BACH2: variants seen among roughly 807,000 people sequenced by gnomAD.
BACH2 encodes BACH transcriptional regulator 2, also known as transcription regulator protein BACH2.
BACH2 carries 5 observed loss-of-function variants against 61.8 expected under a neutral mutation model. The observed-to-expected ratio is 0.08, with a 90% confidence interval of 0.04 to 0.17. BACH2 has a LOEUF of 0.17. BACH2 is among the 10% of genes least tolerant of loss of function. BACH2 has a pLI of 1.00. For synonymous variants in BACH2, 446 were observed against 440.1 expected (o/e 1.01, Z -0.17); for missense variants, 824 against 1,091.1 (o/e 0.76, Z 3.45).
chr6:90,110,562 T>C (rs1020588450), intron 4 of BACH2, among the ~76,000 whole-genome samples: 3 of 152,220 alleles, frequency 2.0e-5, no homozygotes, highest in African/African-American at 7.2e-5. Context: ...TGGGAAGTTA[T>C]CAAGCTCTAC....
At chr6:90,081,409 C>CA (rs1781715518) in intron 5 of BACH2, among the ~76,000 whole-genome samples, 1 of 152,176 alleles carries the variant, frequency 6.6e-6, no homozygotes, top group Non-Finnish European at 1.5e-5. Context: ...ACCACTTCCC[C>CA]ACACCCGTAA....
At chr6:90,013,471 C>A (rs1048851502) in intron 5 of BACH2, among the ~76,000 whole-genome samples, 1 of 150,210 alleles carries the variant, frequency 6.7e-6, no homozygotes, top group African/African-American at 2.4e-5. Flanking sequence ...TTCCTTCCCT[C>A]CCCTCCCCTC....
chr6:90,070,268 A>G (rs569498847), intron 5 of BACH2, among the ~76,000 whole-genome samples: 1 of 152,216 alleles, frequency 6.6e-6, no homozygotes, highest in African/African-American at 2.4e-5. Context: ...GAACAATATC[A>G]TTTCCATTTT....
intron 4 of BACH2, among the ~76,000 whole-genome samples, chr6:90,090,463 T>C (rs1457233609): frequency 6.6e-6 from 1 of 152,172 alleles, no homozygotes; most frequent in Non-Finnish European, 1.5e-5. Context: ...TGGTTAATTA[T>C]GAACCTTATC....
intron 4 of BACH2, among the ~76,000 whole-genome samples, chr6:90,144,567 G>A (rs1784558453): frequency 6.6e-6 from 1 of 152,190 alleles, no homozygotes; most frequent in Non-Finnish European, 1.5e-5. Flanking sequence ...TCTGAGGCAG[G>A]TTTCACTCCT....
intron 1 of BACH2, among the ~76,000 whole-genome samples, chr6:90,279,077 A>G (rs1771778102): frequency 6.6e-6 from 1 of 152,230 alleles, no homozygotes. Context: ...TCATATGCTC[A>G]AATGCCACAT....
rs887104598 is a variant in BACH2 at position 89,948,739 on chromosome 6, G to A, written c.1836+1531C>T. Among the ~76,000 whole-genome samples, 10 of 152,134 alleles carry A rather than the reference G, an allele frequency of 6.6e-5. 1 individual carries two copies. The highest frequency in any genetic ancestry group is 2.9e-5 in the Non-Finnish European group (2 of 68,022). ...GAAAACACAGCCTTTCACTATTTTC[G>A]GGAAAGCTCAATCTTCCCAATGTCA... On this transcript the variant is annotated intron_variant, in intron 7 of 8. Coordinates refer to ENST00000257749, the MANE Select transcript of BACH2 (RefSeq NM_021813.4).
intron 6 of BACH2, among the ~76,000 whole-genome samples, chr6:89,983,291 C>T (rs1360236282): frequency 1.3e-5 from 2 of 152,178 alleles, no homozygotes; most frequent in African/African-American, 4.8e-5. Context: ...GTGCTCAGCT[C>T]TGTGAAAAGG....
At chr6:90,123,142 A>G (rs1360649928) in intron 4 of BACH2, among the ~76,000 whole-genome samples, 1 of 152,192 alleles carries the variant, frequency 6.6e-6, no homozygotes, top group East Asian at 1.9e-4. Context: ...TTACCTGAGT[A>G]GGCCCTAAAT....
At chr6:90,152,622 T>C (rs904383950) in intron 4 of BACH2, among the ~76,000 whole-genome samples, 1 of 152,224 alleles carries the variant, frequency 6.6e-6, no homozygotes, top group African/African-American at 2.4e-5. Context: ...AAGTCTTGAA[T>C]GTAGCATAGC....
intron 7 of BACH2, among the ~76,000 whole-genome samples, chr6:89,942,752 G>C (rs1199319045): frequency 1.3e-5 from 2 of 152,230 alleles, no homozygotes; most frequent in Non-Finnish European, 2.9e-5. Flanking sequence ...AATCAGGGCA[G>C]CCACTGAGTC....
In BACH2 at chr6:89,932,510, T is replaced by C; in HGVS notation, c.2424A>G (p.Gly808=). The C allele has an allele frequency of 6.2e-7, 1 of 1,613,856 alleles. No individual in the cohort carries two copies. Among genetic ancestry groups the C allele is most frequent in the South Asian group, 1.1e-5 (1 of 91,054 alleles). ...GTDPGTFSER[G]PPLEPRSQTV... ...TTTGGCTCCTGGGTTCAAGAGGAGG[T>C]CCTCTCTCTGAGAAGGTTCCCGGGT... The change falls in exon 9 of 9, where the codon GGA becomes GGG. Residue 808 remains glycine (G), a synonymous_variant. Coordinates refer to ENST00000257749, the MANE Select transcript of BACH2 (RefSeq NM_021813.4).
chr6:90,039,820 A>C (rs1779443579), intron 5 of BACH2, among the ~76,000 whole-genome samples: 2 of 152,238 alleles, frequency 1.3e-5, no homozygotes, highest in African/African-American at 4.8e-5. Context: ...ATTAATTTTT[A>C]ATAAATGACA....
intron 4 of BACH2, among the ~76,000 whole-genome samples, chr6:90,147,893 CA>C (rs769640434): frequency 2.0e-5 from 3 of 151,676 alleles, no homozygotes; most frequent in Non-Finnish European, 4.4e-5. Flanking sequence ...ATGAATTACC[CA>C]AAACAGTAAT....
At chr6:90,027,136 T>G (rs1281541974) in intron 5 of BACH2, among the ~76,000 whole-genome samples, 8 of 152,044 alleles carry the variant, frequency 5.3e-5, no homozygotes, top group African/African-American at 1.9e-4. Flanking sequence ...CCATATCAAG[T>G]AACAAAAGCA....
intron 5 of BACH2, among the ~76,000 whole-genome samples, chr6:90,017,062 A>C (rs1466359824): frequency 3.3e-5 from 5 of 151,928 alleles, no homozygotes; most frequent in Non-Finnish European, 5.9e-5. Flanking sequence ...AATTTGGAAA[A>C]ATTTTGGCCA....
In BACH2 at chr6:90,050,831, G is replaced by A. The variant is rs61120860; in HGVS notation, c.-13+38130C>T. Reference sequence around the variant, plus strand: ...GTCGCCCAGCCTGGAGTGCAATGGCGCGATCTCGGTTCACTGCAACCTCCA... The same window carrying A: ...GTCGCCCAGCCTGGAGTGCAATGGCACGATCTCGGTTCACTGCAACCTCCA... On this transcript the variant is annotated intron_variant, in intron 5 of 8. Coordinates refer to ENST00000257749, the MANE Select transcript of BACH2 (RefSeq NM_021813.4). 6.2e-3 allele frequency among the ~76,000 whole-genome samples: 944 copies of A among 151,338 alleles called. 55 individuals are homozygous for A. The East Asian group carries it at 0.15, about 23-fold the overall frequency.
chr6:90,200,275 T>C (rs1768913501), intron 4 of BACH2, among the ~76,000 whole-genome samples: 1 of 152,216 alleles, frequency 6.6e-6, no homozygotes, highest in African/African-American at 2.4e-5. Flanking sequence ...CCCTAAACCA[T>C]AGTTTGGGAA....
chr6:90,175,024 T>C (rs1247039833), intron 4 of BACH2, among the ~76,000 whole-genome samples: 1 of 151,906 alleles, frequency 6.6e-6, no homozygotes, highest in African/African-American at 2.4e-5. Context: ...TCAGTAGCAA[T>C]GATAATGTTC....
Sources: allele counts gnomAD v4.1 joint callset (sites outside exome capture counted in the v4.1 genomes callset), GRCh38; gene constraint gnomAD v4.1.1; transcripts MANE v1.5; gene names NCBI Gene and HGNC (gene_info 2026-07-23, HGNC 2026-07-21).